Variants in MAGI1 observed in about 807,000 individuals in gnomAD.
MAGI1 encodes the protein membrane associated guanylate kinase, WW and PDZ domain containing 1, also known as membrane-associated guanylate kinase, WW and PDZ domain-containing protein 1.
MAGI1 carries 58 observed loss-of-function variants against 139.9 expected under a neutral mutation model. The observed-to-expected ratio is 0.41, with a 90% CI of 0.34 to 0.52. The LOEUF (loss-of-function observed/expected upper bound fraction) is 0.52, where lower values mean the gene tolerates loss of function less well. MAGI1 is among the 20% of genes least tolerant of loss of function. The pLI is 0.12. For synonymous variants in MAGI1, 812 were observed against 737.9 expected (o/e 1.10, Z -1.63); for missense variants, 1,874 against 1,901.6 (o/e 0.99, Z 0.27).
chr3:65,734,478 GA>G lies in MAGI1; in HGVS notation c.314-112391del, dbSNP rs1326174784. Among the ~76,000 whole-genome samples the G allele has an allele frequency of 4.4e-4, 58 of 131,826 alleles. 1 individual carries two copies. Among genetic ancestry groups the G allele is most frequent in the African/African-American group, 1.8e-3 (56 of 31,202 alleles). 86.5% of individuals were successfully genotyped at this position (131,826 alleles called of 152,430 possible). ...CTGTCAAGAAAAAAAAAAAAAGAAA[GA>G]AGAGAAAGAAAGAGAGAAAGAGGAA... On this transcript the variant is annotated intron_variant, in intron 1 of 22. Coordinates refer to ENST00000402939, the MANE Select transcript of MAGI1 (RefSeq NM_001033057.2).
At chr3:66,013,406 T>TAAAAAAAA (rs35481450) in intron 1 of MAGI1, among the ~76,000 whole-genome samples, 1 of 109,996 alleles carries the variant, frequency 9.1e-6, no homozygotes, top group African/African-American at 3.7e-5. Flanking sequence ...CTGTCTCAAA[T>TAAAAAAAA]AAAAAAAAAA....
chr3:65,679,687 C>T (rs771298532), intron 1 of MAGI1, among the ~76,000 whole-genome samples: 1 of 152,218 alleles, frequency 6.6e-6, no homozygotes, highest in Non-Finnish European at 1.5e-5. Flanking sequence ...CTGCACGCTG[C>T]CTGTGACTCA....
chr3:65,976,558 G>A (rs2065276716), intron 1 of MAGI1, among the ~76,000 whole-genome samples: 1 of 152,176 alleles, frequency 6.6e-6, no homozygotes, highest in Non-Finnish European at 1.5e-5. Context: ...TTGAACCTGG[G>A]AGGCAGAGGT....
intron 2 of MAGI1, among the ~76,000 whole-genome samples, chr3:65,593,521 T>C (rs1281141225): frequency 1.3e-5 from 2 of 152,190 alleles, no homozygotes; most frequent in Admixed American, 1.3e-4. Context: ...GGATAAACTA[T>C]CTGGTTGGTG....
At chr3:65,998,591 G>A (rs1309125484) in intron 1 of MAGI1, among the ~76,000 whole-genome samples, 1 of 152,156 alleles carries the variant, frequency 6.6e-6, no homozygotes, top group Non-Finnish European at 1.5e-5. Flanking sequence ...AAGAGACCAA[G>A]ACTAATCTGT....
At chr3:65,357,512 C>T (rs1940296685) in intron 22 of MAGI1, among the ~76,000 whole-genome samples, 1 of 150,178 alleles carries the variant, frequency 6.7e-6, no homozygotes, top group Non-Finnish European at 1.5e-5. Context: ...CCCTTTTCCC[C>T]TGTGCCCACC....
chr3:65,588,182 C>G (rs750925706), intron 2 of MAGI1, among the ~76,000 whole-genome samples: 3 of 152,118 alleles, frequency 2.0e-5, no homozygotes, highest in Non-Finnish European at 4.4e-5. Flanking sequence ...GGGAAGCTGC[C>G]GGAAACTCTA....
At chr3:65,453,749 G>C (rs1244182378) in intron 5 of MAGI1, among the ~76,000 whole-genome samples, 4 of 151,800 alleles carry the variant, frequency 2.6e-5, no homozygotes, top group African/African-American at 7.3e-5. Context: ...CTCACAAAGA[G>C]GGCTGCTATT....
At chr3:66,029,662 T>C (rs2068488660) in intron 1 of MAGI1, among the ~76,000 whole-genome samples, 12 of 152,200 alleles carry the variant, frequency 7.9e-5, no homozygotes, top group Admixed American at 7.9e-4. Context: ...TTGGCCTTCT[T>C]GACTCACTGG....
At chr3:65,818,043 A>AGTGTGTGTGT (rs57082137) in intron 1 of MAGI1, among the ~76,000 whole-genome samples, 158 of 149,172 alleles carry the variant, frequency 1.1e-3, no homozygotes, top group Admixed American at 2.5e-3. Context: ...TAAAATTATG[A>AGTGTGTGTGT]GTGTGTGTGT....
At chr3:65,847,231 T>C (rs916682890) in intron 1 of MAGI1, among the ~76,000 whole-genome samples, 2 of 152,154 alleles carry the variant, frequency 1.3e-5, no homozygotes, top group African/African-American at 2.4e-5. Flanking sequence ...TACATGAGGA[T>C]TTAAAGCTCA....
At chr3:65,701,685 G>A (rs1576799615) in intron 1 of MAGI1, among the ~76,000 whole-genome samples, 2 of 152,162 alleles carry the variant, frequency 1.3e-5, no homozygotes, top group East Asian at 3.9e-4. Flanking sequence ...TGACTAGGAA[G>A]AGCTTGAATA....
chr3:65,604,335 T>C (rs2082630677), intron 2 of MAGI1, among the ~76,000 whole-genome samples: 2 of 152,248 alleles, frequency 1.3e-5, no homozygotes, highest in Non-Finnish European at 2.9e-5. Context: ...GATAATGATG[T>C]TTAGTTATAT....
Position 65,507,550 on chromosome 3 carries a change from C to A in MAGI1, c.431-13919G>T, listed in dbSNP as rs900121837. On this transcript the variant is annotated intron_variant, in intron 2 of 22. Transcript: ENST00000402939. Reference sequence around the variant, plus strand: ...TGTTTTCCCCCATAAATAATGACATCAGCAGATTCCTAGAAAACTAAACTA... The same window carrying A: ...TGTTTTCCCCCATAAATAATGACATAAGCAGATTCCTAGAAAACTAAACTA... Among the ~76,000 whole-genome samples, 4 of 152,192 alleles carry A rather than the reference C, an allele frequency of 2.6e-5. No homozygotes were observed. The South Asian group carries it at 8.3e-4, about 32-fold the overall frequency.
intron 2 of MAGI1, among the ~76,000 whole-genome samples, chr3:65,498,059 C>A (rs185199061): frequency 1.3e-5 from 2 of 152,170 alleles, no homozygotes; most frequent in East Asian, 1.9e-4. Flanking sequence ...AGAAAAGGAC[C>A]GAGGGAGGGG....
chr3:65,502,363 C>A (rs1423321423), intron 2 of MAGI1, among the ~76,000 whole-genome samples: 2 of 150,226 alleles, frequency 1.3e-5, no homozygotes, highest in South Asian at 2.1e-4. Flanking sequence ...TCTTAGATAC[C>A]TATTAATGTC....
intron 1 of MAGI1, among the ~76,000 whole-genome samples, chr3:65,877,901 C>T (rs772895747): frequency 6.6e-6 from 1 of 152,028 alleles, no homozygotes; most frequent in African/African-American, 2.4e-5. Context: ...GAGCCCAGGA[C>T]TTTGAGACCA....
At chr3:65,503,787 G>C (rs953351282) in intron 2 of MAGI1, among the ~76,000 whole-genome samples, 2 of 152,280 alleles carry the variant, frequency 1.3e-5, no homozygotes, top group Admixed American at 1.3e-4. Flanking sequence ...CATCTGATCT[G>C]GTTTTCATGA....
intron 2 of MAGI1, among the ~76,000 whole-genome samples, chr3:65,607,193 A>C (rs1224774315): frequency 6.6e-6 from 1 of 151,518 alleles, no homozygotes; most frequent in East Asian, 1.9e-4. Flanking sequence ...TCTAGTGTGC[A>C]GATGGACATC....
Sources: allele counts gnomAD v4.1 joint callset (sites outside exome capture counted in the v4.1 genomes callset), GRCh38; gene constraint gnomAD v4.1.1; transcripts MANE v1.5; gene names NCBI Gene and HGNC (gene_info 2026-07-23, HGNC 2026-07-21).